LRBA: variants seen among roughly 807,000 people sequenced by gnomAD.
LRBA encodes LPS responsive beige-like anchor protein.
A neutral mutation model predicts 330.0 loss-of-function variants in LRBA; 176 were observed. That is an observed-to-expected ratio of 0.53 (90% CI 0.47 to 0.60). LRBA has a LOEUF of 0.60. Ranked by LOEUF, LRBA falls within the 20% of genes least tolerant of loss-of-function variation. The pLI is 0.00. For missense variants in LRBA, 3,259 were observed against 3,444.8 expected (o/e 0.95, Z 1.35); for synonymous variants, 1,230 against 1,193.0 (o/e 1.03, Z -0.64).
intron 22 of LRBA, among the ~76,000 whole-genome samples, chr4:150,854,191 A>G (rs1050400095): frequency 2.0e-5 from 3 of 152,208 alleles, no homozygotes; most frequent in African/African-American, 7.2e-5. Flanking sequence ...CAGGGAATGA[A>G]TATTTTCCTG....
chr4:150,636,026 ACT>A (rs772089895), intron 37 of LRBA, among the ~76,000 whole-genome samples: 15 of 152,058 alleles, frequency 9.9e-5, no homozygotes, highest in Non-Finnish European at 2.1e-4. Flanking sequence ...CAGACTAGGC[ACT>A]CTGGGCATAT....
intron 53 of LRBA, among the ~76,000 whole-genome samples, chr4:150,294,795 CA>C (rs1290147511): frequency 2.0e-5 from 3 of 152,052 alleles, no homozygotes; most frequent in Admixed American, 2.0e-4. Flanking sequence ...ACTAAAAATA[CA>C]AAAAAATTAT....
chr4:150,900,264 T>C, intron 13 of LRBA, 47 bp from the exon 14 acceptor site: 2 of 1,446,556 alleles, frequency 1.4e-6, no homozygotes, highest in Non-Finnish European at 1.9e-6. Flanking sequence ...CAGCATTTTA[T>C]CTGTTTCCAG....
At chr4:150,918,575 C>G (rs1579200894) in intron 5 of LRBA, among the ~76,000 whole-genome samples, 1 of 152,166 alleles carries the variant, frequency 6.6e-6, no homozygotes, top group Middle Eastern at 3.4e-3. Flanking sequence ...ATGGTGAAAC[C>G]CTGTCTCTAC....
chr4:150,910,528 T>C (rs1216349080), intron 9 of LRBA, among the ~76,000 whole-genome samples: 1 of 152,152 alleles, frequency 6.6e-6, no homozygotes, highest in Non-Finnish European at 1.5e-5. Context: ...CCTTGGCCTA[T>C]GTGTCTAAGC....
chr4:150,314,898 C>T (rs1731519391), intron 51 of LRBA: 2 of 152,130 alleles, frequency 1.3e-5, no homozygotes, highest in Non-Finnish European at 2.9e-5. Context: ...GGTCGCCTCC[C>T]TATTTTTTTC....
At chr4:150,748,157 C>T (rs1034990744) in intron 35 of LRBA, among the ~76,000 whole-genome samples, 1 of 152,176 alleles carries the variant, frequency 6.6e-6, no homozygotes, top group Non-Finnish European at 1.5e-5. Flanking sequence ...AGTTCTACTG[C>T]TTTAACTATT....
intron 17 of LRBA, among the ~76,000 whole-genome samples, chr4:150,875,562 G>A (rs965257817): frequency 1.3e-5 from 2 of 152,176 alleles, no homozygotes; most frequent in African/African-American, 4.8e-5. Context: ...CCATCCAATG[G>A]CTTGTAGGTT....
At chr4:150,830,692 C>T (rs1305403002) in intron 29 of LRBA, among the ~76,000 whole-genome samples, 1 of 151,588 alleles carries the variant, frequency 6.6e-6, no homozygotes, top group Non-Finnish European at 1.5e-5. Context: ...AACAGCAGTA[C>T]CCAGCCAAAA....
In LRBA at chr4:150,805,446, G is replaced by GGGAAAGGAAAGGGAAA. The variant is rs1742540608; in HGVS notation, c.5518+824_5518+825insTTTCCCTTTCCTTTCC. ...AGGAAAGGAAAGGAAAGGAAGGAAA[G>GGGAAAGGAAAGGGAAA]GGAAAGGAAAGGAAAGGAAAGGAAA... On this transcript the variant is annotated intron_variant, in intron 33 of 56. Coordinates refer to ENST00000651943, the MANE Select transcript of LRBA (RefSeq NM_001364905.1). 5.0e-5 allele frequency among the ~76,000 whole-genome samples: 2 copies of GGGAAAGGAAAGGGAAA among 39,740 alleles called. 1 individual carries two copies. The highest frequency in any genetic ancestry group is 0.056 in the Middle Eastern group (2 of 36). 26.1% of individuals were successfully genotyped at this position (39,740 alleles called of 152,430 possible).
At chr4:150,780,912 C>T (rs1357527787) in intron 34 of LRBA, among the ~76,000 whole-genome samples, 2 of 151,982 alleles carry the variant, frequency 1.3e-5, no homozygotes, top group African/African-American at 2.4e-5. Flanking sequence ...CGGAGTCTCG[C>T]TCTGTCACCC....
chr4:150,503,927 G>A (rs940497257), intron 40 of LRBA, among the ~76,000 whole-genome samples: 7 of 152,310 alleles, frequency 4.6e-5, no homozygotes, highest in South Asian at 4.1e-4. Flanking sequence ...ACCAAGGCAC[G>A]AGAACTAGGT....
chr4:150,889,563 T>C (rs1729270614), intron 17 of LRBA, among the ~76,000 whole-genome samples: 2 of 152,228 alleles, frequency 1.3e-5, no homozygotes, highest in South Asian at 2.1e-4. Flanking sequence ...CATTAGATTC[T>C]CATAGGAGTA....
intron 33 of LRBA, among the ~76,000 whole-genome samples, chr4:150,799,473 TA>T: frequency 6.6e-6 from 1 of 152,274 alleles, no homozygotes; most frequent in South Asian, 2.1e-4. Flanking sequence ...ACCCAGATAA[TA>T]AAAGAAGTTC....
In LRBA at chr4:150,735,351, T is replaced by C. The variant is rs147704024; in HGVS notation, c.5661A>G (p.Thr1887=). 20 of 1,612,478 alleles carry C rather than the reference T, an allele frequency of 1.2e-5. No individual in the cohort carries two copies. Among genetic ancestry groups the C allele is most frequent in the Non-Finnish European group, 1.7e-5 (20 of 1,178,668 alleles). Residue 1887 remains threonine, a synonymous_variant, in exon 36 of 57, where the codon ACA becomes ACG. Coordinates refer to ENST00000651943, the MANE Select transcript of LRBA (RefSeq NM_001364905.1). ...LVNEGRLLSQ[T]MKDHLVRVAN... is the part of the protein sequence containing the mutation. ...CTACTCTTACTAGATGATCCTTCAT[T>C]GTCTGGCTAAGCAACCTGTAAGAAA...
chr4:150,485,400 T>C (rs1215167801), intron 42 of LRBA, among the ~76,000 whole-genome samples: 1 of 152,000 alleles, frequency 6.6e-6, no homozygotes, highest in Non-Finnish European at 1.5e-5. Context: ...ATAATTGTTA[T>C]GGGTTGACTT....
At chr4:150,503,712 C>G (rs1416064044) in intron 40 of LRBA, among the ~76,000 whole-genome samples, 2 of 152,182 alleles carry the variant, frequency 1.3e-5, no homozygotes, top group African/African-American at 4.8e-5. Context: ...AACGCAGCTC[C>G]TCACGAGCAA....
intron 16 of LRBA, 34 bp from the exon 17 acceptor site, chr4:150,893,183 G>A (rs1221624782): frequency 3.9e-6 from 5 of 1,295,206 alleles, no homozygotes; most frequent in Admixed American, 4.1e-5. Context: ...TTTAAAAAAT[G>A]AGGAAAAAAC....
chr4:150,621,381 T>G (rs1338961875), intron 37 of LRBA, among the ~76,000 whole-genome samples: 2 of 152,222 alleles, frequency 1.3e-5, no homozygotes, highest in East Asian at 3.8e-4. Context: ...AGTTGTGCTC[T>G]CATACATACT....
Sources: gnomAD v4.1 joint callset for allele counts (sites outside exome capture counted in the v4.1 genomes callset) on GRCh38, gnomAD v4.1.1 for gene constraint, MANE v1.5 for transcripts, NCBI Gene and HGNC (gene_info 2026-07-23, HGNC 2026-07-21) for gene names.